SLC30A8: variants seen among roughly 807,000 people sequenced by gnomAD.
The protein encoded by SLC30A8 is solute carrier family 30 member 8.
SLC30A8 carries 27 observed loss-of-function variants against 36.9 expected under a neutral mutation model. That is an observed-to-expected ratio of 0.73 (90% CI 0.54 to 1.01). The LOEUF (loss-of-function observed/expected upper bound fraction) is 1.01, where lower values mean the gene tolerates loss of function less well. SLC30A8 is among the 50% of genes least tolerant of loss of function. The probability of loss-of-function intolerance (pLI) is 0.00; values close to 1 mark genes in which losing one functional copy is unlikely to be tolerated. For synonymous variants in SLC30A8, 164 were observed against 172.4 expected, an observed-to-expected ratio of 0.95 and a Z score of 0.38; for missense variants, 439 against 452.0, an observed-to-expected ratio of 0.97 and a Z score of 0.26.
chr8:117,060,003 T>C (rs1297539063), intron 2 of SLC30A8, among the ~76,000 whole-genome samples: 1 of 151,868 alleles, frequency 6.6e-6, no homozygotes, highest in Admixed American at 6.6e-5. Context: ...ACTGACTGGA[T>C]GTGGGAGTTG....
chr8:116,985,724 CACTT>C (rs1028870745), intron 1 of SLC30A8, among the ~76,000 whole-genome samples: 2 of 152,104 alleles, frequency 1.3e-5, no homozygotes, highest in Non-Finnish European at 2.9e-5. Flanking sequence ...CCCATGTCCT[CACTT>C]ACTCTGGAAA....
At chr8:117,006,669 CAGTTTGGAATGAATATCTCT>C (rs929123950) in intron 1 of SLC30A8, among the ~76,000 whole-genome samples, 7 of 151,674 alleles carry the variant, frequency 4.6e-5, no homozygotes, top group Non-Finnish European at 1.5e-5. Flanking sequence ...ATGTCTGTTG[CAGTTTGGAATGAATATCTCT>C]AGTGTAAGGA....
chr8:117,114,400 T>G (rs1820356407), intron 2 of SLC30A8, among the ~76,000 whole-genome samples: 1 of 152,056 alleles, frequency 6.6e-6, no homozygotes, highest in Admixed American at 6.6e-5. Flanking sequence ...GGGAGTATAC[T>G]TGGTGAACTA....
rs1340683012 is a variant in SLC30A8 at position 117,174,585 on chromosome 8, CTGAA to C, written c.*1907_*1910del. ...ATCACTTTTCCTGTCTGAAGGACCA[CTGAA>C]TGGTTTTGTTTTTCCATATTTTGCA... is the stretch of plus-strand genomic sequence containing the variant. On this transcript the variant is annotated 3_prime_UTR_variant, in exon 8 of 8. Transcript: ENST00000456015. 6.6e-6 allele frequency: 1 copy of C among 152,522 alleles called. No homozygotes were observed. Among genetic ancestry groups the C allele is most frequent in the Non-Finnish European group, 1.5e-5 (1 of 68,022 alleles). 9.4% of individuals were successfully genotyped at this position (152,522 alleles called of 1,614,324 possible).
At chr8:117,048,628 C>T (rs1299055434) in intron 2 of SLC30A8, among the ~76,000 whole-genome samples, 1 of 151,984 alleles carries the variant, frequency 6.6e-6, no homozygotes, top group Non-Finnish European at 1.5e-5. Context: ...TCCTAATTTT[C>T]TTTCTGTGTC....
At chr8:117,075,708 T>C (rs567721398) in intron 2 of SLC30A8, among the ~76,000 whole-genome samples, 2 of 152,358 alleles carry the variant, frequency 1.3e-5, no homozygotes, top group East Asian at 3.9e-4. Context: ...GTTCTTCATA[T>C]TGACAGCTAT....
chr8:117,144,821 A>G (rs529765608), intron 1 of SLC30A8, among the ~76,000 whole-genome samples: 39 of 152,194 alleles, frequency 2.6e-4, no homozygotes, highest in Admixed American at 2.2e-3. Flanking sequence ...AATTTTCCCT[A>G]TTCTCAGCTC....
In SLC30A8 at chr8:117,175,449, G is replaced by GAAAGA. The variant is rs887171663; in HGVS notation, c.*2771_*2775dup. On this transcript the variant is annotated 3_prime_UTR_variant, in exon 8 of 8. Transcript: ENST00000456015. ...GGGAAATGGGAATGTTGAAGGACAT[G>GAAAGA]AAAGAAAGGATGTTTACACATTAAG... 6.6e-6 allele frequency: 1 copy of GAAAGA among 152,114 alleles called. No individual in the cohort carries two copies. The highest frequency in any genetic ancestry group is 1.5e-5 in the Non-Finnish European group (1 of 68,000). The allele number at this position is 152,114 out of a possible 1,614,324, so 9.4% of individuals were successfully genotyped here. A position where few individuals can be genotyped will look rare whatever the true frequency, so the allele number is the denominator to read the frequency against.
At chr8:117,169,156 T>G (rs1450705424) in intron 6 of SLC30A8, among the ~76,000 whole-genome samples, 1 of 152,114 alleles carries the variant, frequency 6.6e-6, no homozygotes, top group Non-Finnish European at 1.5e-5. Flanking sequence ...TTGCCACTCA[T>G]AGAGTAAAAT....
chr8:117,150,576 T>C (rs11776475), intron 2 of SLC30A8, among the ~76,000 whole-genome samples: 22,646 of 152,228 alleles, frequency 0.15, 1,780 homozygotes, highest in East Asian at 0.21. Context: ...TTTATCATAA[T>C]TTCCCTTCGC....
At chr8:117,005,270 C>T (rs1816139170) in intron 1 of SLC30A8, among the ~76,000 whole-genome samples, 1 of 152,100 alleles carries the variant, frequency 6.6e-6, no homozygotes, top group East Asian at 1.9e-4. Context: ...TTTTCTTATT[C>T]ATTTTCTTAT....
chr8:117,031,619 C>T (rs540515440), intron 1 of SLC30A8, among the ~76,000 whole-genome samples: 1 of 152,154 alleles, frequency 6.6e-6, no homozygotes, highest in South Asian at 2.1e-4. Context: ...CACCACCACA[C>T]CCAGCTCATT....
chr8:117,067,990 C>G (rs1818219463), intron 2 of SLC30A8, among the ~76,000 whole-genome samples: 1 of 152,128 alleles, frequency 6.6e-6, no homozygotes, highest in Admixed American at 6.5e-5. Flanking sequence ...CCAAGAAGAT[C>G]AGAAATATCT....
At chr8:117,142,518 C>T (rs1205942706) in intron 1 of SLC30A8, among the ~76,000 whole-genome samples, 1 of 151,964 alleles carries the variant, frequency 6.6e-6, no homozygotes, top group South Asian at 2.1e-4. Context: ...CTTTTTTGAC[C>T]TCTTTATATT....
chr8:117,061,982 A>C (rs111356966), intron 2 of SLC30A8, among the ~76,000 whole-genome samples: 1 of 152,200 alleles, frequency 6.6e-6, no homozygotes, highest in African/African-American at 2.4e-5. Context: ...AACAGGACCA[A>C]CTTCTTTTCT....
At chr8:117,069,536 C>T (rs1818266590) in intron 2 of SLC30A8, among the ~76,000 whole-genome samples, 1 of 152,146 alleles carries the variant, frequency 6.6e-6, no homozygotes, top group Non-Finnish European at 1.5e-5. Flanking sequence ...TGACTACTTC[C>T]AACATTTGTG....
chr8:116,999,642 G>T (rs1345886400), intron 1 of SLC30A8, among the ~76,000 whole-genome samples: 1 of 152,200 alleles, frequency 6.6e-6, no homozygotes, highest in Non-Finnish European at 1.5e-5. Context: ...CTATTGCAGT[G>T]CCTGACACAG....
At chr8:117,151,296 G>C in intron 2 of SLC30A8, among the ~76,000 whole-genome samples, 1 of 152,196 alleles carries the variant, frequency 6.6e-6, no homozygotes, top group East Asian at 1.9e-4. Context: ...TCACTGAAGA[G>C]AGGCTGTTAT....
At chr8:117,074,498 A>G (rs558632428) in intron 2 of SLC30A8, among the ~76,000 whole-genome samples, 84 of 152,314 alleles carry the variant, frequency 5.5e-4, no homozygotes, top group Non-Finnish European at 7.5e-4. Flanking sequence ...CATGCTATAC[A>G]GATGTATAGA....
Sources: gnomAD v4.1 joint callset for allele counts (sites outside exome capture counted in the v4.1 genomes callset) on GRCh38, gnomAD v4.1.1 for gene constraint, MANE v1.5 for transcripts, NCBI Gene and HGNC (gene_info 2026-07-23, HGNC 2026-07-21) for gene names.